The following AGR3 variants were observed in gnomAD, a reference collection of about 807,000 sequenced individuals.
AGR3 encodes anterior gradient 3, protein disulphide isomerase family member.
Under a neutral mutation model 24.5 loss-of-function variants are expected in AGR3, and 37 were observed. That is an observed-to-expected ratio of 1.51 (90% confidence interval 1.16 to 1.99). The LOEUF (loss-of-function observed/expected upper bound fraction) is 1.99. Among genes scored for constraint, AGR3 ranks in the 30% most tolerant of loss-of-function variants. AGR3 has a pLI of 0.00. For synonymous variants in AGR3, 75 were observed against 61.6 expected (o/e 1.22, Z -1.02); for missense variants, 228 against 191.1 (o/e 1.19, Z -1.14).
downstream of AGR3, among the ~76,000 whole-genome samples, chr7:16,857,602 C>A (rs950163479): frequency 1.3e-5 from 2 of 152,030 alleles, no homozygotes; most frequent in Non-Finnish European, 2.9e-5. Context: ...GATCTCTTAG[C>A]ATTCATTAAA....
chr7:16,859,124 A>G (rs1781592854), downstream of AGR3, among the ~76,000 whole-genome samples: 2 of 151,818 alleles, frequency 1.3e-5, no homozygotes, highest in African/African-American at 4.8e-5. Flanking sequence ...TAGACCAGGA[A>G]CAGTGGCTCA....
At position 16,866,667 on chromosome 7, in the gene AGR3, G is replaced by A. The variant is rs575963155; in HGVS notation, c.174-4005C>T. ...ATCCAACAGGTGAAAAGAGGGAAAC[G>A]AATGTGGTTTGTCTTTCTTATAAAA... On this transcript the variant is annotated intron_variant, in intron 3 of 7. Transcript: ENST00000310398. Among the ~76,000 whole-genome samples the A allele has an allele frequency of 5.9e-5, 9 of 152,178 alleles. No homozygotes were observed. In the South Asian group the frequency reaches 1.5e-3, roughly 25 times the overall value.
intron 6 of AGR3, among the ~76,000 whole-genome samples, chr7:16,861,034 GTCAAACCAATTTA>G (rs1781632026): frequency 1.6e-5 from 1 of 62,476 alleles, no homozygotes; most frequent in South Asian, 5.0e-4. Context: ...TAAAACAAAT[GTCAAACCAATTTA>G]TAAGCAAAAT....
chr7:16,861,409 T>C lies in AGR3; in HGVS notation c.342A>G (p.Gln114=). 3.1e-6 allele frequency: 5 copies of C among 1,611,124 alleles called. No individual in the cohort carries two copies. The highest frequency in any genetic ancestry group is 4.2e-6 in the Non-Finnish European group (5 of 1,178,542). The part of the protein sequence containing the change: ...TTDKNLSPDG[Q]YVPRIMFVDP... ...CTACAAACATGATTCTAGGCACATA[T>C]TGCCCATCAGGTGATAAATTCTTAT... Residue 114 remains glutamine, a synonymous_variant, in exon 6 of 8, where the codon CAA becomes CAG. Transcript: ENST00000310398.
chr7:16,880,064 C>A (rs1782075716), intron 1 of AGR3, among the ~76,000 whole-genome samples: 1 of 150,442 alleles, frequency 6.6e-6, no homozygotes, highest in Non-Finnish European at 1.5e-5. Context: ...CTTCCCCTTC[C>A]TTCCTTCCCC....
chr7:16,861,497 A>G (rs1339334644), intron 5 of AGR3, 50 bp from the exon 6 acceptor site: 3 of 1,498,782 alleles, frequency 2.0e-6, no homozygotes, highest in Non-Finnish European at 2.8e-6. Context: ...TTTGTTTTTG[A>G]TAGTTTCAAG....
chr7:16,878,435 A>G (rs1013776642), intron 2 of AGR3, 75 bp downstream of exon 2: 2 of 1,285,466 alleles, frequency 1.6e-6, no homozygotes, highest in East Asian at 2.3e-5. Flanking sequence ...TAATTAGACT[A>G]TGAGTGAAGA....
At chr7:16,873,730 A>G (rs1781928279) in intron 3 of AGR3, 50 bp downstream of exon 3, 11 of 1,330,670 alleles carry the variant, frequency 8.3e-6, no homozygotes, top group Non-Finnish European at 1.2e-5. Context: ...TACAATTATT[A>G]TGAGTCTACT....
chr7:16,858,282 C>A (rs1411527930), downstream of AGR3, among the ~76,000 whole-genome samples: 1 of 152,112 alleles, frequency 6.6e-6, no homozygotes, highest in African/African-American at 2.4e-5. Context: ...GTATGAGCCA[C>A]CGCACCCAGC....
chr7:16,881,322 A>G (rs1013297168), intron 1 of AGR3, among the ~76,000 whole-genome samples: 3 of 152,230 alleles, frequency 2.0e-5, no homozygotes, highest in Admixed American at 6.5e-5. Flanking sequence ...TAAATTATAA[A>G]ATAGATATTA....
At chr7:16,881,616 G>A (rs547400223) in intron 1 of AGR3, among the ~76,000 whole-genome samples, 3 of 152,178 alleles carry the variant, frequency 2.0e-5, no homozygotes, top group East Asian at 1.9e-4. Flanking sequence ...GTAATTTAAC[G>A]TAAGTAACTG....
intron 1 of AGR3, among the ~76,000 whole-genome samples, chr7:16,881,144 A>G (rs1171754653): frequency 1.3e-5 from 2 of 152,204 alleles, no homozygotes; most frequent in African/African-American, 4.8e-5. Flanking sequence ...TGGAATCTGC[A>G]TTTTAAAAAA....
chr7:16,871,761 G>T (rs572988996), intron 3 of AGR3, among the ~76,000 whole-genome samples: 28 of 152,112 alleles, frequency 1.8e-4, no homozygotes, highest in Non-Finnish European at 3.2e-4. Context: ...TGAATCACTG[G>T]AACCTGGGAG....
intron 4 of AGR3, 100 bp from the exon 5 acceptor site, chr7:16,862,160 A>G (rs1781663362): frequency 6.6e-6 from 6 of 910,106 alleles, no homozygotes; most frequent in African/African-American, 3.3e-5. Context: ...GTTTGCATAT[A>G]TAACTCAGGT....
chr7:16,871,331 A>G (rs927804753), intron 3 of AGR3, among the ~76,000 whole-genome samples: 1 of 152,234 alleles, frequency 6.6e-6, no homozygotes, highest in East Asian at 1.9e-4. Context: ...AATAGCAACT[A>G]TTAGTCCCTT....
At chr7:16,879,561 A>G (rs1253975744) in intron 1 of AGR3, among the ~76,000 whole-genome samples, 1 of 152,222 alleles carries the variant, frequency 6.6e-6, no homozygotes, top group Non-Finnish European at 1.5e-5. Context: ...TCAAAATATA[A>G]AATAAATATA....
At chr7:16,860,834 A>G (rs529009451) in intron 6 of AGR3, among the ~76,000 whole-genome samples, 6 of 151,854 alleles carry the variant, frequency 4.0e-5, no homozygotes, top group South Asian at 2.1e-4. Context: ...CCTATTGTCT[A>G]TTTTTCCTCT....
At chr7:16,881,568 A>G (rs1170307661) in intron 1 of AGR3, among the ~76,000 whole-genome samples, 1 of 152,244 alleles carries the variant, frequency 6.6e-6, no homozygotes, top group Admixed American at 6.5e-5. Flanking sequence ...ACATTGGTCA[A>G]TTAGCATTTT....
Position 16,859,419 on chromosome 7 carries a change from T to TA in AGR3, c.*162dup, listed in dbSNP as rs1428443990. 6 of 564,792 alleles carry TA rather than the reference T, an allele frequency of 1.1e-5. No individual in the cohort carries two copies. Among genetic ancestry groups the TA allele is most frequent in the Admixed American group, 6.5e-5 (2 of 30,742 alleles). The allele number at this position is 564,792 out of a possible 1,614,324, so 35.0% of individuals were successfully genotyped here. A position where few individuals can be genotyped will look rare whatever the true frequency, so the allele number is the denominator to read the frequency against. ...AAAACTATATTGTCAGTCTCAGATT[T>TA]AAAAAACATTTATTTTAATAAGACT... On this transcript the variant is annotated 3_prime_UTR_variant, in exon 8 of 8. Transcript: ENST00000310398.
Sources: allele counts gnomAD v4.1 joint callset (sites outside exome capture counted in the v4.1 genomes callset), GRCh38; gene constraint gnomAD v4.1.1; transcripts MANE v1.5; gene names NCBI Gene and HGNC (gene_info 2026-07-23, HGNC 2026-07-21).